Variants in SAMD5 observed in about 807,000 individuals in gnomAD.
The protein encoded by SAMD5 is sterile alpha motif domain-containing protein 5.
A neutral mutation model predicts 11.3 loss-of-function variants in SAMD5; 13 were observed. The ratio of observed to expected loss-of-function variants is 1.15; its 90% confidence interval spans 0.75 to 1.83. The LOEUF is 1.83. Ranked by LOEUF, SAMD5 falls within the 40% of genes most tolerant of loss-of-function variation. The pLI is 0.00. For missense variants in SAMD5, 255 were observed against 239.1 expected (o/e 1.07, Z -0.44); for synonymous variants, 129 against 111.3 (o/e 1.16, Z -1.00).
the SAMD5 span, among the ~76,000 whole-genome samples, chr6:147,926,266 G>T: frequency 6.6e-6 from 1 of 152,152 alleles, no homozygotes; most frequent in South Asian, 2.1e-4. Flanking sequence ...TTGTCACACT[G>T]CTTTCCACAA....
At chr6:147,606,373 G>A (rs965075574) in intron 1 of SAMD5, among the ~76,000 whole-genome samples, 32 of 151,676 alleles carry the variant, frequency 2.1e-4, no homozygotes, top group African/African-American at 6.8e-4. Context: ...GGCTTTAATA[G>A]TGCTCTTGGA....
At chr6:147,791,472 C>T in the SAMD5 span, among the ~76,000 whole-genome samples, 1 of 151,954 alleles carries the variant, frequency 6.6e-6, no homozygotes, top group Non-Finnish European at 1.5e-5. Context: ...TAGTGATATA[C>T]GTTTATACCT....
At chr6:147,745,698 T>TAGTGATTTAGGAGAGTAGGCCAA in the SAMD5 span, among the ~76,000 whole-genome samples, 1 of 152,108 alleles carries the variant, frequency 6.6e-6, no homozygotes, top group Non-Finnish European at 1.5e-5. Flanking sequence ...TGTGTCTCAC[T>TAGTGATTTAGGAGAGTAGGCCAA]AGTGATTTAG....
the SAMD5 span, among the ~76,000 whole-genome samples, chr6:147,811,078 A>G: frequency 6.6e-6 from 1 of 152,224 alleles, no homozygotes; most frequent in Non-Finnish European, 1.5e-5. Context: ...AAACTGGGAT[A>G]ATAATAACAC....
At chr6:147,741,369 A>G (rs1344896966), downstream of SAMD5, 1 of 152,166 alleles carries the variant, frequency 6.6e-6, no homozygotes, top group African/African-American at 2.4e-5. Flanking sequence ...TAATCATTTA[A>G]AATTTTCTTG....
At position 147,509,120 on chromosome 6, in the gene SAMD5, G is replaced by A; in HGVS notation, c.192G>A (p.Glu64=). The A allele has an allele frequency of 6.3e-7, 1 of 1,577,382 alleles. No individual in the cohort carries two copies. Residue 64 remains glutamate (E), a synonymous_variant, in exon 1 of 2, where the codon GAG becomes GAA. Transcript: ENST00000367474. Reference sequence around the variant, plus strand: ...TGGAGGCCGTGCGCCGGCTGCGGGAGCAGGACGCCAACGCCGCCGGCCTCT... The same window carrying A: ...TGGAGGCCGTGCGCCGGCTGCGGGAACAGGACGCCAACGCCGCCGGCCTCT... ...RILEAVRRLR[E]QDANAAGLYF...
intron 1 of SAMD5, among the ~76,000 whole-genome samples, chr6:147,720,316 A>G (rs1355151710): frequency 1.3e-5 from 2 of 152,174 alleles, no homozygotes; most frequent in Non-Finnish European, 2.9e-5. Flanking sequence ...ACAAAAAATT[A>G]GCCAGGCGCG....
chr6:147,617,733 G>A (rs948998135), intron 1 of SAMD5, among the ~76,000 whole-genome samples: 4 of 152,166 alleles, frequency 2.6e-5, no homozygotes, highest in Non-Finnish European at 4.4e-5. Context: ...CTAGGGCTAG[G>A]AGAAAGGGAA....
chr6:147,765,017 CAT>C, the SAMD5 span, among the ~76,000 whole-genome samples: 16 of 152,132 alleles, frequency 1.1e-4, no homozygotes, highest in Non-Finnish European at 4.4e-5. Context: ...TAGAACAATA[CAT>C]GTCAAGATTC....
chr6:147,707,818 T>C (rs1249160670), intron 1 of SAMD5, among the ~76,000 whole-genome samples: 3 of 152,132 alleles, frequency 2.0e-5, no homozygotes, highest in Non-Finnish European at 1.5e-5. Context: ...GGTGGAAAAG[T>C]ATTTTTCTGG....
the SAMD5 span, among the ~76,000 whole-genome samples, chr6:147,894,037 T>C: frequency 6.6e-6 from 1 of 152,094 alleles, no homozygotes; most frequent in Non-Finnish European, 1.5e-5. Flanking sequence ...GTGTACTTTA[T>C]TTAATTCATC....
chr6:147,696,192 C>T (rs1791174019), intron 1 of SAMD5, among the ~76,000 whole-genome samples: 2 of 152,198 alleles, frequency 1.3e-5, no homozygotes, highest in African/African-American at 4.8e-5. Flanking sequence ...TGGTACCCCA[C>T]TTCAATCTGC....
the SAMD5 span, among the ~76,000 whole-genome samples, chr6:147,942,920 T>A: frequency 3.3e-5 from 5 of 151,596 alleles, no homozygotes; most frequent in Non-Finnish European, 7.4e-5. Context: ...CACAAGTGAT[T>A]CTCCTGCCTC....
At chr6:147,847,325 T>C in the SAMD5 span, among the ~76,000 whole-genome samples, 1 of 152,222 alleles carries the variant, frequency 6.6e-6, no homozygotes, top group Non-Finnish European at 1.5e-5. Context: ...TGCTGCTCCC[T>C]GAAGTACACC....
the SAMD5 span, among the ~76,000 whole-genome samples, chr6:147,916,453 T>C: frequency 1.3e-5 from 2 of 152,290 alleles, no homozygotes; most frequent in East Asian, 3.9e-4. Flanking sequence ...TTCTAACAGG[T>C]GTGAGATGGT....
the SAMD5 span, among the ~76,000 whole-genome samples, chr6:147,931,607 A>G: frequency 7.1e-6 from 1 of 139,882 alleles, no homozygotes; most frequent in Non-Finnish European, 1.6e-5. Context: ...TCTCTCTTTG[A>G]TACAATATAT....
At chr6:147,735,406 T>C (rs950385745) in intron 1 of SAMD5, among the ~76,000 whole-genome samples, 2 of 152,210 alleles carry the variant, frequency 1.3e-5, no homozygotes, top group African/African-American at 4.8e-5. Context: ...TACTGCTCAC[T>C]GTAATAGAAC....
At chr6:147,637,817 T>C (rs1790252552) in intron 1 of SAMD5, among the ~76,000 whole-genome samples, 1 of 152,080 alleles carries the variant, frequency 6.6e-6, no homozygotes, top group African/African-American at 2.4e-5. Context: ...AGAGTGCTTT[T>C]CTGAGTATGA....
At chr6:147,570,818 A>G (rs1340555286), downstream of SAMD5, among the ~76,000 whole-genome samples, 1 of 152,222 alleles carries the variant, frequency 6.6e-6, no homozygotes, top group Admixed American at 6.5e-5. Context: ...AGTCTGATTC[A>G]TAAATTGTGT....
Sources: gnomAD v4.1 joint callset for allele counts (sites outside exome capture counted in the v4.1 genomes callset) on GRCh38, gnomAD v4.1.1 for gene constraint, MANE v1.5 for transcripts, NCBI Gene and HGNC (gene_info 2026-07-23, HGNC 2026-07-21) for gene names.